The following PTPRN2 variants were observed in gnomAD, a reference collection of about 807,000 sequenced individuals.
PTPRN2 encodes the protein protein tyrosine phosphatase receptor type N2, also known as receptor-type tyrosine-protein phosphatase N2.
A neutral mutation model predicts 118.8 loss-of-function variants in PTPRN2; 74 were observed. That is an observed-to-expected ratio of 0.62 (90% CI 0.52 to 0.76). The LOEUF is 0.76. PTPRN2 is among the 30% of genes least tolerant of loss of function. The probability of loss-of-function intolerance (pLI) is 0.00; values close to 1 mark genes in which losing one functional copy is unlikely to be tolerated. For synonymous variants in PTPRN2, 641 were observed against 608.0 expected, an observed-to-expected ratio of 1.05 and a Z score of -0.80; for missense variants, 1,481 against 1,394.4, an observed-to-expected ratio of 1.06 and a Z score of -0.99.
intron 10 of PTPRN2, among the ~76,000 whole-genome samples, chr7:158,094,627 C>T (rs1242058671): frequency 6.6e-6 from 1 of 152,224 alleles, no homozygotes; most frequent in African/African-American, 2.4e-5. Context: ...CTTTCTATTG[C>T]AGCTTCGCTC....
In PTPRN2 at chr7:158,070,815, G is replaced by C. The variant is rs1811297130; in HGVS notation, c.1723+10483C>G. On this transcript the variant is annotated intron_variant, in intron 11 of 22. Transcript: ENST00000389418. Reference sequence around the variant, plus strand: ...TGGTGGAGGTGCCCGTGGTGGTGAAGGTGCCCGTGGTGGTGGAGGTGCCCA... The same window carrying C: ...TGGTGGAGGTGCCCGTGGTGGTGAACGTGCCCGTGGTGGTGGAGGTGCCCA... Among the ~76,000 whole-genome samples the C allele has an allele frequency of 1.5e-5, 2 of 134,458 alleles. 1 individual carries two copies. The highest frequency in any genetic ancestry group is 3.1e-5 in the Non-Finnish European group (2 of 64,010). 88.2% of individuals were successfully genotyped at this position (134,458 alleles called of 152,430 possible).
intron 13 of PTPRN2, among the ~76,000 whole-genome samples, 199 bp from the exon 14 acceptor site, chr7:157,656,750 G>A (rs185893459): frequency 4.1e-4 from 63 of 152,164 alleles, no homozygotes; most frequent in Admixed American, 2.7e-3. Flanking sequence ...ACGGTGACCC[G>A]AGAAGACTTC....
chr7:157,612,043 T>A (rs1802378437), intron 15 of PTPRN2, among the ~76,000 whole-genome samples: 1 of 152,176 alleles, frequency 6.6e-6, no homozygotes, highest in South Asian at 2.1e-4. Context: ...TTTGGCCACA[T>A]ACACTGCCCA....
chr7:157,690,242 C>A lies in PTPRN2; in HGVS notation c.1789-7305G>T, dbSNP rs914482291. 6.6e-6 allele frequency among the ~76,000 whole-genome samples: 1 copy of A among 152,216 alleles called. No homozygotes were observed. Among genetic ancestry groups the A allele is most frequent in the Admixed American group, 6.5e-5 (1 of 15,290 alleles). ...TTGCCCGCTCCTCCTCACAGGCCCACCCTAGACCCACTTGGGGATGATCCC... is the reference window on the plus strand; with the variant it reads ...TTGCCCGCTCCTCCTCACAGGCCCAACCTAGACCCACTTGGGGATGATCCC... On this transcript the variant is annotated intron_variant, in intron 12 of 22. Coordinates refer to ENST00000389418, the MANE Select transcript of PTPRN2 (RefSeq NM_002847.5). The surrounding 1 kb of genome is among the most constrained non-coding windows in gnomAD (Gnocchi z 7.1).
At chr7:157,547,506 A>AT in intron 22 of PTPRN2, among the ~76,000 whole-genome samples, 8 of 152,006 alleles carry the variant, frequency 5.3e-5, no homozygotes, top group African/African-American at 1.7e-4. Flanking sequence ...GCTCATGAGA[A>AT]CTTTTTTGTT....
intron 5 of PTPRN2, among the ~76,000 whole-genome samples, chr7:158,174,566 C>T (rs1351067653): frequency 6.6e-6 from 1 of 152,176 alleles, no homozygotes; most frequent in African/African-American, 2.4e-5. Flanking sequence ...CCGCCATCAG[C>T]ATCATCAAAC....
chr7:157,630,101 A>C (rs1803847384), intron 14 of PTPRN2, among the ~76,000 whole-genome samples: 5 of 152,228 alleles, frequency 3.3e-5, no homozygotes, highest in Admixed American at 3.3e-4. Flanking sequence ...CTGTGAAAAG[A>C]TGAAAGGAGA....
intron 10 of PTPRN2, among the ~76,000 whole-genome samples, chr7:158,084,282 C>A (rs1813083080): frequency 6.6e-6 from 1 of 151,100 alleles, no homozygotes; most frequent in Admixed American, 6.6e-5. Flanking sequence ...ACCCACCACC[C>A]CCCACCCCGC....
intron 1 of PTPRN2, among the ~76,000 whole-genome samples, chr7:158,527,279 G>A (rs1200495347): frequency 1.3e-5 from 2 of 151,864 alleles, no homozygotes; most frequent in Admixed American, 1.3e-4. Context: ...GCGCGTCCTG[G>A]GCCTCCCTGA....
chr7:157,720,417 CTG>C (rs1270567679), intron 12 of PTPRN2, among the ~76,000 whole-genome samples: 1 of 152,228 alleles, frequency 6.6e-6, no homozygotes, highest in Admixed American at 6.5e-5. Context: ...AGCTCCTGCT[CTG>C]TGTTTGGGAA....
chr7:158,353,978 C>T lies in PTPRN2; in HGVS notation c.164-37046G>A, dbSNP rs562210260. Among the ~76,000 whole-genome samples, 3 of 152,308 alleles carry T rather than the reference C, an allele frequency of 2.0e-5. No individual in the cohort carries two copies. The South Asian group carries it at 6.2e-4, about 32-fold the overall frequency. ...TGGAAACTCTGCTCTGCAACTCGGC[C>T]AAAGGAGGCACTCAATCAGAGTGGC... On this transcript the variant is annotated intron_variant, in intron 2 of 22. Coordinates refer to ENST00000389418, the MANE Select transcript of PTPRN2 (RefSeq NM_002847.5).
intron 11 of PTPRN2, among the ~76,000 whole-genome samples, chr7:158,041,335 T>C (rs997870158): frequency 6.6e-6 from 1 of 152,164 alleles, no homozygotes; most frequent in Non-Finnish European, 1.5e-5. Flanking sequence ...CTTAACAACA[T>C]TGCAATAAAG....
intron 6 of PTPRN2, among the ~76,000 whole-genome samples, chr7:158,149,457 T>A (rs1422341283): frequency 7.0e-6 from 1 of 143,610 alleles, no homozygotes; most frequent in Non-Finnish European, 1.5e-5. Context: ...AAAAAAAAAA[T>A]CCTTATTTTT....
chr7:158,167,229 G>A lies in PTPRN2; in HGVS notation c.612C>T (p.Tyr204=), dbSNP rs1399774961. 6 of 1,613,386 alleles carry A rather than the reference G, an allele frequency of 3.7e-6. No homozygotes were observed. The East Asian group carries it at 1.3e-4, about 36-fold the overall frequency. The change falls in exon 6 of 23, where the codon TAC becomes TAT. Residue 204 remains tyrosine, a synonymous_variant. Transcript: ENST00000389418. The part of the protein sequence containing the change: ...TYVAHTSALT[Y]PPGSRTQLRE... ...GGAGCTGGGTCCGGGACCCGGGAGG[G>A]TAGGTCAGCGCAGACGTGTGGGCCA...
chr7:158,200,418 T>C (rs1161617640), intron 4 of PTPRN2, among the ~76,000 whole-genome samples: 1 of 152,168 alleles, frequency 6.6e-6, no homozygotes, highest in African/African-American at 2.4e-5. Context: ...TCAGAGCCTA[T>C]GAAGCTAAAC....
chr7:158,054,529 T>A (rs1809632595), intron 11 of PTPRN2, among the ~76,000 whole-genome samples: 1 of 152,242 alleles, frequency 6.6e-6, no homozygotes, highest in Admixed American at 6.5e-5. Context: ...CTGCGGTTGA[T>A]TATTCATGCA....
chr7:158,064,365 C>T (rs560049489), intron 11 of PTPRN2, among the ~76,000 whole-genome samples: 113 of 152,178 alleles, frequency 7.4e-4, no homozygotes, highest in Non-Finnish European at 1.3e-3. Flanking sequence ...ACGACCAAGA[C>T]GAGATGCCCA....
chr7:158,111,791 T>C (rs1426990604), intron 9 of PTPRN2, among the ~76,000 whole-genome samples: 1 of 152,118 alleles, frequency 6.6e-6, no homozygotes, highest in Non-Finnish European at 1.5e-5. Flanking sequence ...TCAATCATGC[T>C]ATGATGGGTT....
At chr7:157,997,775 G>A (rs547171501) in intron 11 of PTPRN2, among the ~76,000 whole-genome samples, 3 of 150,012 alleles carry the variant, frequency 2.0e-5, no homozygotes, top group African/African-American at 7.4e-5. Flanking sequence ...CCCCTGCACA[G>A]AGGAGAGGAA....
Sources: gnomAD v4.1 joint callset for allele counts (sites outside exome capture counted in the v4.1 genomes callset) on GRCh38, gnomAD v4.1.1 for gene constraint, Gnocchi (gnomAD v3.1) non-coding constraint, MANE v1.5 for transcripts, NCBI Gene and HGNC (gene_info 2026-07-23, HGNC 2026-07-21) for gene names.